The following TRAPPC9 variants were observed in gnomAD, a reference collection of about 807,000 sequenced individuals.
TRAPPC9 encodes the protein trafficking protein particle complex subunit 9.
TRAPPC9 carries 83 observed loss-of-function variants against 124.0 expected under a neutral mutation model. That is an observed-to-expected ratio of 0.67 (90% CI 0.56 to 0.80). The LOEUF is 0.80. TRAPPC9 is among the 30% of genes least tolerant of loss of function. The pLI, the probability that TRAPPC9 is intolerant of heterozygous loss-of-function variation, is 0.00. For synonymous variants in TRAPPC9, 638 were observed against 617.5 expected (o/e 1.03, Z -0.49); for missense variants, 1,302 against 1,508.3 (o/e 0.86, Z 2.27).
intron 17 of TRAPPC9, among the ~76,000 whole-genome samples, chr8:140,049,696 T>C (rs551773326): frequency 7.2e-5 from 11 of 152,308 alleles, no homozygotes; most frequent in Admixed American, 1.3e-4. Context: ...CACCAAACCC[T>C]GGGATTTCCT....
intron 17 of TRAPPC9, among the ~76,000 whole-genome samples, chr8:140,081,649 A>G (rs991568287): frequency 1.3e-5 from 2 of 152,162 alleles, no homozygotes; most frequent in African/African-American, 2.4e-5. Context: ...CCGGCCAATC[A>G]GTACATTTAG....
chr8:140,446,829 G>A (rs962357153), intron 2 of TRAPPC9, among the ~76,000 whole-genome samples: 3 of 152,144 alleles, frequency 2.0e-5, no homozygotes, highest in African/African-American at 7.2e-5. Flanking sequence ...ACCGCACCCA[G>A]CCTGGTGTGG....
intron 16 of TRAPPC9, among the ~76,000 whole-genome samples, chr8:140,229,652 A>T (rs1373618651): frequency 6.6e-6 from 1 of 151,840 alleles, no homozygotes; most frequent in Non-Finnish European, 1.5e-5. Context: ...CACTGCAACC[A>T]CTGCTTCCCA....
At chr8:140,417,588 T>C (rs1157452904) in intron 5 of TRAPPC9, among the ~76,000 whole-genome samples, 4 of 152,174 alleles carry the variant, frequency 2.6e-5, no homozygotes, top group African/African-American at 4.8e-5. Context: ...TGTGGAGAAA[T>C]AGGAATGCCT....
chr8:139,997,767 AG>A (rs1482081506), intron 18 of TRAPPC9, among the ~76,000 whole-genome samples: 2 of 130,658 alleles, frequency 1.5e-5, no homozygotes, highest in Admixed American at 7.4e-5. Context: ...CATCCTACAC[AG>A]GGGAGACAGT....
chr8:139,930,444 G>A (rs59629971), intron 19 of TRAPPC9, among the ~76,000 whole-genome samples: 349 of 152,270 alleles, frequency 2.3e-3, no homozygotes, highest in African/African-American at 7.8e-3. Flanking sequence ...GGAAAACAAG[G>A]GGGTCGATGA....
At chr8:140,383,554 AG>A (rs1174321467) in intron 7 of TRAPPC9, among the ~76,000 whole-genome samples, 2 of 152,224 alleles carry the variant, frequency 1.3e-5, no homozygotes. Context: ...ACTGGAAGAA[AG>A]GGTATCAGTG....
chr8:140,320,830 C>T (rs2066572908), intron 9 of TRAPPC9, among the ~76,000 whole-genome samples: 1 of 152,210 alleles, frequency 6.6e-6, no homozygotes, highest in Non-Finnish European at 1.5e-5. Flanking sequence ...AAGTCAGGCC[C>T]TCTACAAACC....
chr8:139,869,310 G>A (rs1828745215), intron 21 of TRAPPC9, among the ~76,000 whole-genome samples: 1 of 152,168 alleles, frequency 6.6e-6, no homozygotes, highest in Non-Finnish European at 1.5e-5. Flanking sequence ...AAAGAGGGAT[G>A]AAATAAGGGC....
At chr8:140,415,827 G>A (rs2069909226) in intron 5 of TRAPPC9, among the ~76,000 whole-genome samples, 1 of 151,966 alleles carries the variant, frequency 6.6e-6, no homozygotes, top group Admixed American at 6.6e-5. Flanking sequence ...AAGTAGGCAG[G>A]CATGGTGCAT....
At chr8:140,000,913 C>T (rs549536615) in intron 18 of TRAPPC9, among the ~76,000 whole-genome samples, 178 of 152,304 alleles carry the variant, frequency 1.2e-3, no homozygotes, top group African/African-American at 4.0e-3. Flanking sequence ...AATCATGCTA[C>T]TCTAAAGACA....
At chr8:139,830,726 G>C (rs1181486296) in intron 21 of TRAPPC9, among the ~76,000 whole-genome samples, 1 of 151,960 alleles carries the variant, frequency 6.6e-6, no homozygotes, top group Admixed American at 6.5e-5. Context: ...CACACACACA[G>C]ACACACACCT....
At chr8:139,919,089 C>T (rs1272120840) in intron 19 of TRAPPC9, among the ~76,000 whole-genome samples, 1 of 152,224 alleles carries the variant, frequency 6.6e-6, no homozygotes. Flanking sequence ...CCACTGCTCT[C>T]GACTCCCCGA....
intron 17 of TRAPPC9, among the ~76,000 whole-genome samples, chr8:140,075,641 C>T (rs1007888143): frequency 1.3e-5 from 2 of 152,212 alleles, no homozygotes; most frequent in African/African-American, 4.8e-5. Flanking sequence ...ATTATATGCA[C>T]GTCAGTAAAG....
intron 21 of TRAPPC9, among the ~76,000 whole-genome samples, chr8:139,870,244 C>G (rs1828813993): frequency 6.6e-6 from 1 of 152,206 alleles, no homozygotes. Context: ...ATGCCGCACT[C>G]ACCTTAGTAT....
intron 17 of TRAPPC9, among the ~76,000 whole-genome samples, chr8:140,074,822 A>G (rs1203846622): frequency 6.6e-6 from 1 of 152,202 alleles, no homozygotes; most frequent in Non-Finnish European, 1.5e-5. Flanking sequence ...GGGCACAGAC[A>G]GGAAGGGGTC....
chr8:139,884,456 G>T (rs1400949910), intron 21 of TRAPPC9, among the ~76,000 whole-genome samples: 2 of 152,116 alleles, frequency 1.3e-5, no homozygotes, highest in Non-Finnish European at 2.9e-5. Context: ...TTGCTCTTGG[G>T]CCCCTGTTCT....
chr8:139,762,195 T>C (rs2130363266), intron 21 of TRAPPC9, among the ~76,000 whole-genome samples: 1 of 151,940 alleles, frequency 6.6e-6, no homozygotes, highest in South Asian at 2.1e-4. Context: ...GGAAGACCCC[T>C]GGAGTACCTC....
chr8:140,437,135 T>TTTTTATTTTA (rs1181626999), intron 3 of TRAPPC9, among the ~76,000 whole-genome samples: 1 of 141,362 alleles, frequency 7.1e-6, no homozygotes, highest in East Asian at 2.1e-4. Context: ...AGCTAATGTC[T>TTTTTATTTTA]TTTTATTTTA....
Sources: gnomAD v4.1 joint callset for allele counts (sites outside exome capture counted in the v4.1 genomes callset) on GRCh38, gnomAD v4.1.1 for gene constraint, MANE v1.5 for transcripts, NCBI Gene and HGNC (gene_info 2026-07-23, HGNC 2026-07-21) for gene names.